The following MARCHF6 variants were observed in gnomAD, a reference collection of about 807,000 sequenced individuals.
MARCHF6 encodes the protein membrane associated ring-CH-type finger 6, also known as E3 ubiquitin-protein ligase MARCHF6.
Under a neutral mutation model 133.7 loss-of-function variants are expected in MARCHF6, and 31 were observed. That is an observed-to-expected ratio of 0.23 (90% CI 0.17 to 0.31). The LOEUF (loss-of-function observed/expected upper bound fraction) is 0.31, where lower values mean the gene tolerates loss of function less well. Among genes scored for constraint, MARCHF6 ranks in the 10% least tolerant of loss-of-function variants. MARCHF6 has a pLI of 1.00. For missense variants in MARCHF6, 723 were observed against 1,121.6 expected, an observed-to-expected ratio of 0.64 and a Z score of 5.08; for synonymous variants, 395 against 402.5, an observed-to-expected ratio of 0.98 and a Z score of 0.22.
chr5:10,426,921 C>T (rs1055368442), intron 24 of MARCHF6, among the ~76,000 whole-genome samples: 1 of 152,190 alleles, frequency 6.6e-6, no homozygotes, highest in African/African-American at 2.4e-5. Context: ...TGCTAATGGG[C>T]AACACGTTTA....
At chr5:10,403,152 A>T (rs1195840032) in intron 14 of MARCHF6, among the ~76,000 whole-genome samples, 1 of 152,192 alleles carries the variant, frequency 6.6e-6, no homozygotes, top group East Asian at 1.9e-4. Context: ...AATTTTTTAC[A>T]TTCATCAAAA....
At chr5:10,384,441 A>G (rs774789974) in intron 4 of MARCHF6, among the ~76,000 whole-genome samples, 3 of 152,210 alleles carry the variant, frequency 2.0e-5, no homozygotes, top group Non-Finnish European at 2.9e-5. Flanking sequence ...ACACATCCCA[A>G]TTAAGCAGTG....
At chr5:10,425,896 A>T (rs547691735) in intron 23 of MARCHF6, among the ~76,000 whole-genome samples, 1 of 152,354 alleles carries the variant, frequency 6.6e-6, no homozygotes, top group Non-Finnish European at 1.5e-5. Context: ...ATTCTTTCAT[A>T]CTAAATTTTT....
chr5:10,415,997 A>AC (rs368159468), intron 21 of MARCHF6, among the ~76,000 whole-genome samples: 6 of 152,286 alleles, frequency 3.9e-5, no homozygotes, highest in African/African-American at 1.4e-4. Flanking sequence ...ACAAAGCAAG[A>AC]CCCCATCTGT....
intron 25 of MARCHF6, among the ~76,000 whole-genome samples, chr5:10,432,787 A>T (rs1468428918): frequency 6.6e-6 from 1 of 151,886 alleles, no homozygotes; most frequent in African/African-American, 2.4e-5. Flanking sequence ...CCTGTCACTC[A>T]TACTCACTCA....
chr5:10,361,849 C>T lies in MARCHF6; in HGVS notation c.19+7932C>T, dbSNP rs182497185. On this transcript the variant is annotated intron_variant, in intron 1 of 25. Transcript: ENST00000274140. ...CGCGATCTCGGCTCATGGCAACCTCCGCCTCCTGGATTCAAGGGATTCTCC... is the reference window on the plus strand; with the variant it reads ...CGCGATCTCGGCTCATGGCAACCTCTGCCTCCTGGATTCAAGGGATTCTCC... Among the ~76,000 whole-genome samples, 125 of 152,146 alleles carry T rather than the reference C, an allele frequency of 8.2e-4. No individual in the cohort carries two copies. In the East Asian group the frequency reaches 8.9e-3, roughly 11 times the overall value.
chr5:10,433,628 C>A lies in MARCHF6; in HGVS notation c.2677C>A (p.Arg893=), dbSNP rs142412317. 124 of 1,614,078 alleles carry A rather than the reference C, an allele frequency of 7.7e-5. No individual in the cohort carries two copies. The highest frequency in any genetic ancestry group is 9.4e-5 in the Non-Finnish European group (111 of 1,180,040). ...GGGTCAACGACTCGTGAACTACGAA[C>A]GGAAATCTGGCAAACAAGGCTCATC... The part of the protein sequence containing the change: ...LVGQRLVNYE[R]KSGKQGSSPP... The change falls in exon 26 of 26, where the codon CGG becomes AGG. Residue 893 remains arginine, a synonymous_variant. Transcript: ENST00000274140.
At chr5:10,363,907 A>G (rs1735972669) in intron 1 of MARCHF6, among the ~76,000 whole-genome samples, 1 of 152,186 alleles carries the variant, frequency 6.6e-6, no homozygotes, top group South Asian at 2.1e-4. Flanking sequence ...GAATAGGCAA[A>G]TCTATATATA....
chr5:10,394,480 A>T (rs1738057653), intron 8 of MARCHF6, among the ~76,000 whole-genome samples: 2 of 152,204 alleles, frequency 1.3e-5, no homozygotes, highest in African/African-American at 4.8e-5. Flanking sequence ...AATCTTAATT[A>T]GCTGTATATC....
chr5:10,410,523 A>T lies in MARCHF6; in HGVS notation c.1691+247A>T, dbSNP rs558984650. Among the ~76,000 whole-genome samples, 76 of 151,848 alleles carry T rather than the reference A, an allele frequency of 5.0e-4. 1 individual carries two copies. On this transcript the variant is annotated intron_variant, in intron 18 of 25. Coordinates refer to ENST00000274140, the MANE Select transcript of MARCHF6 (RefSeq NM_005885.4). Reference sequence around the variant, plus strand: ...GAAGTTTGCTGCTGGTCCAGCTTTCATGGAGTAAATGTCTTTTTTTTTTTT... The same window carrying T: ...GAAGTTTGCTGCTGGTCCAGCTTTCTTGGAGTAAATGTCTTTTTTTTTTTT...
intron 25 of MARCHF6, among the ~76,000 whole-genome samples, chr5:10,430,569 G>A (rs980384252): frequency 6.6e-6 from 1 of 152,156 alleles, no homozygotes; most frequent in Non-Finnish European, 1.5e-5. Context: ...CTCCCAAAGT[G>A]TTGGGATTAC....
intron 23 of MARCHF6, among the ~76,000 whole-genome samples, chr5:10,425,536 C>T (rs923625312): frequency 3.3e-5 from 5 of 152,274 alleles, no homozygotes; most frequent in African/African-American, 1.2e-4. Flanking sequence ...GGATGCCTTG[C>T]TTCATTGATT....
chr5:10,421,427 C>T (rs1175358907), intron 22 of MARCHF6, among the ~76,000 whole-genome samples: 5 of 152,212 alleles, frequency 3.3e-5, no homozygotes, highest in African/African-American at 7.2e-5. Context: ...TAATGTGCAG[C>T]GTGCTATCCT....
intron 3 of MARCHF6, among the ~76,000 whole-genome samples, chr5:10,379,323 G>T (rs997631826): frequency 6.6e-6 from 1 of 151,766 alleles, no homozygotes; most frequent in Non-Finnish European, 1.5e-5. Flanking sequence ...TTTCAAAAAC[G>T]TAACTATAAT....
intron 1 of MARCHF6, among the ~76,000 whole-genome samples, chr5:10,361,060 A>G (rs1735792826): frequency 6.6e-6 from 1 of 152,244 alleles, no homozygotes; most frequent in Admixed American, 6.5e-5. Context: ...GGAAAACTTA[A>G]TAATTCAGAC....
chr5:10,404,275 C>T (rs1249789453), intron 15 of MARCHF6, among the ~76,000 whole-genome samples: 1 of 151,944 alleles, frequency 6.6e-6, no homozygotes, highest in East Asian at 1.9e-4. Context: ...ACCATGTTGG[C>T]CAGGCTGTTC....
In MARCHF6 at chr5:10,434,052, G is replaced by A. The variant is rs373173183; in HGVS notation, c.*368G>A. On this transcript the variant is annotated 3_prime_UTR_variant, in exon 26 of 26. Transcript: ENST00000274140. ...GAAACGTGCCACAGAGCAGTAGTGC[G>A]CAGGCAAGACTTTTCAGTGACGCCT... The A allele has an allele frequency of 3.9e-5, 8 of 206,662 alleles. No homozygotes were observed. Among genetic ancestry groups the A allele is most frequent in the African/African-American group, 1.4e-4 (6 of 42,378 alleles). The allele number at this position is 206,662 out of a possible 1,614,324, so 12.8% of individuals were successfully genotyped here.
intron 24 of MARCHF6, among the ~76,000 whole-genome samples, chr5:10,427,476 T>C (rs1740146727): frequency 6.6e-6 from 1 of 152,210 alleles, no homozygotes; most frequent in Non-Finnish European, 1.5e-5. Context: ...CCTCACTCCA[T>C]GTCATATACT....
intron 21 of MARCHF6, 128 bp downstream of exon 21, chr5:10,415,797 G>A: frequency 1.3e-6 from 1 of 763,164 alleles, no homozygotes; most frequent in Non-Finnish European, 2.0e-6. Context: ...TTGATTTTTT[G>A]AATTAGAAGA....
Sources: gnomAD v4.1 joint callset for allele counts (sites outside exome capture counted in the v4.1 genomes callset) on GRCh38, gnomAD v4.1.1 for gene constraint, MANE v1.5 for transcripts, NCBI Gene and HGNC (gene_info 2026-07-23, HGNC 2026-07-21) for gene names.